WDR49: variants seen among roughly 807,000 people sequenced by gnomAD.
WDR49 encodes cilia- and flagella-associated protein 337.
Under a neutral mutation model 119.5 loss-of-function variants are expected in WDR49, and 107 were observed. That is an observed-to-expected ratio of 0.90 (90% CI 0.77 to 1.05). WDR49 has a LOEUF of 1.05. Among genes scored for constraint, WDR49 ranks in the 50% least tolerant of loss-of-function variants. WDR49 has a pLI of 0.00. For missense variants in WDR49, 1,240 were observed against 1,220.5 expected, an observed-to-expected ratio of 1.02 and a Z score of -0.24; for synonymous variants, 425 against 418.8, an observed-to-expected ratio of 1.01 and a Z score of -0.18.
At chr3:167,485,412 G>A (rs1276652799) in intron 18 of WDR49, among the ~76,000 whole-genome samples, 1 of 151,692 alleles carries the variant, frequency 6.6e-6, no homozygotes, top group Non-Finnish European at 1.5e-5. Context: ...GAAAATGTAT[G>A]TATACTTGAA....
At chr3:167,513,230 G>C (rs988945302) in intron 16 of WDR49, among the ~76,000 whole-genome samples, 2 of 152,254 alleles carry the variant, frequency 1.3e-5, no homozygotes, top group Non-Finnish European at 2.9e-5. Context: ...ACAAAGGGAA[G>C]CCCATCAGAC....
intron 5 of WDR49, 80 bp from the exon 6 acceptor site, chr3:167,604,548 T>C (rs912605796): frequency 1.9e-5 from 26 of 1,360,868 alleles, no homozygotes; most frequent in Non-Finnish European, 2.5e-5. Flanking sequence ...TGTTTTAATA[T>C]GGAAAGTTAA....
At chr3:167,543,289 A>G (rs1342062701) in intron 10 of WDR49, among the ~76,000 whole-genome samples, 1 of 152,118 alleles carries the variant, frequency 6.6e-6, no homozygotes, top group Non-Finnish European at 1.5e-5. Context: ...AAATCATTCT[A>G]TGGAGCCAGT....
chr3:167,568,007 C>G (rs1490355901), intron 8 of WDR49, among the ~76,000 whole-genome samples: 1 of 152,188 alleles, frequency 6.6e-6, no homozygotes, highest in Non-Finnish European at 1.5e-5. Flanking sequence ...TGATCATAAA[C>G]CTGGCTGCAT....
rs73029925 is a variant in WDR49, at chr3:167,575,782, A to G, written c.1509+136T>C. The G allele has an allele frequency of 3.1e-3, 2,571 of 832,166 alleles. 54 individuals are homozygous for G. The African/African-American group carries it at 0.04, about 13-fold the overall frequency. The allele number at this position is 832,166 out of a possible 1,614,324, so 51.5% of individuals were successfully genotyped here. A position where few individuals can be genotyped will look rare whatever the true frequency, so the allele number is the denominator to read the frequency against. On this transcript the variant is annotated intron_variant, in intron 8 of 18. Coordinates refer to ENST00000682715, the MANE Select transcript of WDR49 (RefSeq NM_001366157.1). ...AATGTATATTATTGCAGAAAAGCACATGGCTATTAAATCATTTCTTCCCAT... is the reference window on the plus strand; with the variant it reads ...AATGTATATTATTGCAGAAAAGCACGTGGCTATTAAATCATTTCTTCCCAT...
chr3:167,536,652 C>T (rs1753039793), intron 11 of WDR49, among the ~76,000 whole-genome samples: 1 of 148,514 alleles, frequency 6.7e-6, no homozygotes, highest in Non-Finnish European at 1.5e-5. Flanking sequence ...TGCACTCTAG[C>T]CTGGGCAACA....
At chr3:167,606,208 T>C (rs936244824) in intron 5 of WDR49, among the ~76,000 whole-genome samples, 1 of 152,134 alleles carries the variant, frequency 6.6e-6, no homozygotes, top group African/African-American at 2.4e-5. Context: ...TTCTTAAAAT[T>C]TGGGAGGTCA....
chr3:167,546,567 A>G (rs991080610), intron 10 of WDR49, among the ~76,000 whole-genome samples: 3 of 151,762 alleles, frequency 2.0e-5, no homozygotes, highest in African/African-American at 7.3e-5. Context: ...TGCCACCCTG[A>G]GAGTATCACA....
At chr3:167,552,433 G>A (rs1712631157) in intron 10 of WDR49, among the ~76,000 whole-genome samples, 2 of 152,082 alleles carry the variant, frequency 1.3e-5, no homozygotes, top group Non-Finnish European at 2.9e-5. Context: ...TATAGGAGCA[G>A]GTTTAAGAAA....
rs1283909052 is a variant in WDR49 at position 167,529,213 on chromosome 3, C to T, written c.2245G>A (p.Gly749Arg). 6.2e-7 allele frequency: 1 copy of T among 1,603,148 alleles called. No individual in the cohort carries two copies. Among genetic ancestry groups the T allele is most frequent in the African/African-American group, 1.3e-5 (1 of 74,358 alleles). Reference protein sequence around the residue: ...TGGANLVSCGGSGYVRFWDIY... With the variant: ...TGGANLVSCGRSGYVRFWDIY... The stretch of plus-strand genomic sequence containing the variant: ...TCCCAAAATCTGACATAACCAGATC[C>T]TCCACATGATACCAGGTTAGCTCCT... Residue 749 changes from glycine (G) to arginine (R), a missense_variant, in exon 14 of 19, where the codon GGA (glycine) becomes AGA (arginine). By Grantham distance (125) the Gly-to-Arg change is moderately radical. Coordinates refer to ENST00000682715, the MANE Select transcript of WDR49 (RefSeq NM_001366157.1).
chr3:167,510,019 T>C (rs1253125892), intron 16 of WDR49, among the ~76,000 whole-genome samples: 1 of 152,242 alleles, frequency 6.6e-6, no homozygotes, highest in African/African-American at 2.4e-5. Context: ...ATGCCTAATG[T>C]TAACAATGGC....
At position 167,627,043 on chromosome 3, in the gene WDR49, G is replaced by A; in HGVS notation, c.415C>T (p.His139Tyr). The A allele has an allele frequency of 5.3e-6, 7 of 1,317,718 alleles. No individual in the cohort carries two copies. 81.6% of individuals were successfully genotyped at this position (1,317,718 alleles called of 1,614,324 possible). A position where few individuals can be genotyped will look rare whatever the true frequency, so the allele number is the denominator to read the frequency against. ...ATTACTTTTTGAATGGTGTCCTTGT[G>A]TTTTACTGGGAGGAATTCAAGGTCC... ...WKDLEFLPVK[H>Y]KDTIQKVIFL... The change falls in exon 3 of 19, where the codon CAC becomes TAC. Residue 139 changes from histidine to tyrosine, a missense_variant. Physicochemically the swap from His to Tyr is moderately conservative, Grantham distance 83. Transcript: ENST00000682715.
At chr3:167,482,033 C>G (rs562562286) in intron 18 of WDR49, among the ~76,000 whole-genome samples, 2 of 152,084 alleles carry the variant, frequency 1.3e-5, no homozygotes, top group African/African-American at 2.4e-5. Context: ...TGAAAGGACA[C>G]ATTGTGTACT....
At chr3:167,556,181 T>C (rs763540735) in intron 9 of WDR49, among the ~76,000 whole-genome samples, 1 of 152,210 alleles carries the variant, frequency 6.6e-6, no homozygotes, top group Non-Finnish European at 1.5e-5. Context: ...TTAATATGTA[T>C]ACTAAATGGA....
At chr3:167,589,174 C>T (rs1458246382) in intron 7 of WDR49, among the ~76,000 whole-genome samples, 2 of 152,134 alleles carry the variant, frequency 1.3e-5, no homozygotes, top group Admixed American at 6.6e-5. Flanking sequence ...ATTTACCCAG[C>T]ACCATTTATT....
chr3:167,533,591 T>C (rs550063549), intron 11 of WDR49, among the ~76,000 whole-genome samples: 2 of 152,188 alleles, frequency 1.3e-5, no homozygotes, highest in South Asian at 2.1e-4. Context: ...CCCTCCTATA[T>C]TGAATACTGA....
upstream of WDR49, among the ~76,000 whole-genome samples, chr3:167,655,340 C>T (rs1718566027): frequency 6.6e-6 from 1 of 152,144 alleles, no homozygotes; most frequent in Non-Finnish European, 1.5e-5. Flanking sequence ...GGACACTGCC[C>T]AACTGTATCA....
chr3:167,531,341 C>A, intron 12 of WDR49, 62 bp from the exon 13 acceptor site: 3 of 1,567,528 alleles, frequency 1.9e-6, no homozygotes, highest in Non-Finnish European at 2.6e-6. Flanking sequence ...CAAACTAATG[C>A]CTATGAAATA....
chr3:167,606,114 C>T (rs1450089483), intron 5 of WDR49, among the ~76,000 whole-genome samples: 1 of 152,178 alleles, frequency 6.6e-6, no homozygotes, highest in Non-Finnish European at 1.5e-5. Flanking sequence ...TCCTGATGCT[C>T]TCTGAGAACC....
Sources: gnomAD v4.1 joint callset for allele counts (sites outside exome capture counted in the v4.1 genomes callset) on GRCh38, gnomAD v4.1.1 for gene constraint, MANE v1.5 for transcripts, NCBI Gene and HGNC (gene_info 2026-07-23, HGNC 2026-07-21) for gene names.